KCND3: variants seen among roughly 807,000 people sequenced by gnomAD.
The protein encoded by KCND3 is potassium voltage-gated channel subfamily D member 3, also known as A-type voltage-gated potassium channel KCND3.
Under a neutral mutation model 51.1 loss-of-function variants are expected in KCND3, and 9 were observed. That is an observed-to-expected ratio of 0.18 (90% CI 0.11 to 0.31). The LOEUF is 0.31. KCND3 is among the 10% of genes least tolerant of loss of function. KCND3 has a pLI of 1.00. For missense variants in KCND3, 526 were observed against 903.8 expected (o/e 0.58, Z 5.36); for synonymous variants, 349 against 368.0 (o/e 0.95, Z 0.59).
At chr1:111,797,771 G>C (rs1313559190) in intron 2 of KCND3, among the ~76,000 whole-genome samples, 1 of 151,906 alleles carries the variant, frequency 6.6e-6, no homozygotes, top group Non-Finnish European at 1.5e-5. Flanking sequence ...GAGGCTGGAG[G>C]GGTAGTCACA....
At chr1:111,787,232 A>G (rs1175918573) in intron 2 of KCND3, 126 bp from the exon 3 acceptor site, 4 of 996,652 alleles carry the variant, frequency 4.0e-6, no homozygotes, top group African/African-American at 3.2e-5. Context: ...AGTATCTACT[A>G]TGTGCCAGGT....
chr1:111,956,086 AGGG>A (rs1673324642), intron 2 of KCND3, among the ~76,000 whole-genome samples: 1 of 152,144 alleles, frequency 6.6e-6, no homozygotes, highest in Admixed American at 6.5e-5. Context: ...AAAGTGAGGA[AGGG>A]GCATGCCCAG....
At chr1:111,870,369 C>T (rs1668776266) in intron 2 of KCND3, among the ~76,000 whole-genome samples, 1 of 152,192 alleles carries the variant, frequency 6.6e-6, no homozygotes, top group Admixed American at 6.5e-5. Context: ...GTGGGGACTT[C>T]TCATTCTGAT....
intron 2 of KCND3, among the ~76,000 whole-genome samples, chr1:111,943,319 G>C (rs1395520885): frequency 6.6e-5 from 10 of 152,172 alleles, no homozygotes; most frequent in Admixed American, 6.5e-4. Context: ...TCTCCATGGA[G>C]CGCACCATGC....
chr1:111,980,203 A>AGTGT (rs58988523), intron 2 of KCND3, among the ~76,000 whole-genome samples: 1,937 of 143,022 alleles, frequency 0.014, 27 homozygotes, highest in African/African-American at 0.039. Flanking sequence ...CCATTTGAAG[A>AGTGT]GTGTGTGTGT....
intron 2 of KCND3, among the ~76,000 whole-genome samples, chr1:111,824,571 C>G (rs184223090): frequency 1.3e-4 from 20 of 152,320 alleles, no homozygotes; most frequent in Admixed American, 1.2e-3. Flanking sequence ...ACTGTTCCAT[C>G]AAACTGATGT....
intron 2 of KCND3, among the ~76,000 whole-genome samples, chr1:111,800,937 C>T (rs928191247): frequency 1.1e-4 from 16 of 152,242 alleles, no homozygotes; most frequent in Admixed American, 3.9e-4. Flanking sequence ...TTTATCTCTC[C>T]AGGCCTTGAG....
chr1:111,847,452 G>A lies in KCND3; in HGVS notation c.1107-60346C>T, dbSNP rs1025345938. ...ATAAACTTCCTTCAACCATTTCCAT[G>A]TTATTTTCTGGAATAAACACGTCAG... On this transcript the variant is annotated intron_variant, in intron 2 of 7. Transcript: ENST00000302127. Among the ~76,000 whole-genome samples the A allele has an allele frequency of 5.3e-5, 8 of 152,176 alleles. No individual in the cohort carries two copies. In the South Asian group the frequency reaches 1.4e-3, roughly 28 times the overall value.
At chr1:111,850,362 C>T (rs1218792177) in intron 2 of KCND3, among the ~76,000 whole-genome samples, 1 of 152,156 alleles carries the variant, frequency 6.6e-6, no homozygotes, top group Non-Finnish European at 1.5e-5. Context: ...CTTGGGGACA[C>T]AGCTCCTGAG....
chr1:111,950,631 G>A (rs1193233231), intron 2 of KCND3, among the ~76,000 whole-genome samples: 1 of 152,182 alleles, frequency 6.6e-6, no homozygotes, highest in African/African-American at 2.4e-5. Context: ...GGCAGATGAA[G>A]GAAATCTTAA....
intron 2 of KCND3, among the ~76,000 whole-genome samples, chr1:111,879,129 T>C (rs1408935344): frequency 6.6e-6 from 1 of 152,072 alleles, no homozygotes. Context: ...ACACACCAAC[T>C]CTCCTGGGTC....
At chr1:111,934,918 A>G (rs1321242203) in intron 2 of KCND3, among the ~76,000 whole-genome samples, 1 of 152,256 alleles carries the variant, frequency 6.6e-6, no homozygotes, top group East Asian at 1.9e-4. Context: ...TAGAGCACTT[A>G]CATTAATGCC....
chr1:111,859,254 A>G (rs988976311), intron 2 of KCND3, among the ~76,000 whole-genome samples: 6 of 147,608 alleles, frequency 4.1e-5, no homozygotes, highest in Non-Finnish European at 7.4e-5. Context: ...ACCCTTTTGA[A>G]GTTCTTCTTC....
chr1:111,788,278 C>T (rs1463531664), intron 2 of KCND3, among the ~76,000 whole-genome samples: 1 of 152,268 alleles, frequency 6.6e-6, no homozygotes, highest in Non-Finnish European at 1.5e-5. Flanking sequence ...GAAACACCAT[C>T]TCCCCTGCCT....
chr1:111,938,047 G>A (rs546780820), intron 2 of KCND3, among the ~76,000 whole-genome samples: 6 of 152,290 alleles, frequency 3.9e-5, no homozygotes, highest in African/African-American at 1.4e-4. Flanking sequence ...CGACATTTCA[G>A]CTCACTTCTC....
chr1:111,981,565 G>A lies in KCND3; in HGVS notation c.1106+56C>T, dbSNP rs372381817. The A allele has an allele frequency of 1.2e-6, 2 of 1,612,402 alleles. No homozygotes were observed. The highest frequency in any genetic ancestry group is 2.2e-5 in the East Asian group (1 of 44,862). On this transcript the variant is annotated intron_variant, in intron 2 of 7. Transcript: ENST00000302127. This position sits in a 1 kb window ranked among gnomAD's most constrained non-coding sequence, Gnocchi z 6.2. ...GGTGACACCATCCAAGGTTTCAGAGGTCATCCAGCTGCCCTCCAACCTCCG... is the reference window on the plus strand; with the variant it reads ...GGTGACACCATCCAAGGTTTCAGAGATCATCCAGCTGCCCTCCAACCTCCG...
chr1:111,805,523 G>A (rs1239886568), intron 2 of KCND3, among the ~76,000 whole-genome samples: 1 of 152,256 alleles, frequency 6.6e-6, no homozygotes, highest in Non-Finnish European at 1.5e-5. Context: ...ATGGCCTCCT[G>A]TGTGGACAGT....
intron 2 of KCND3, among the ~76,000 whole-genome samples, chr1:111,866,674 G>C (rs1486495014): frequency 6.6e-6 from 1 of 151,434 alleles, no homozygotes; most frequent in South Asian, 2.1e-4. Flanking sequence ...GGTGTGACCT[G>C]TAGTCCTGGT....
chr1:111,911,196 C>A (rs1255176859), intron 2 of KCND3, among the ~76,000 whole-genome samples: 1 of 152,178 alleles, frequency 6.6e-6, no homozygotes, highest in East Asian at 1.9e-4. Flanking sequence ...TGCATGGCTA[C>A]CACCAGGGAA....
Sources: gnomAD v4.1 joint callset for allele counts (sites outside exome capture counted in the v4.1 genomes callset) on GRCh38, gnomAD v4.1.1 for gene constraint, Gnocchi (gnomAD v3.1) non-coding constraint, MANE v1.5 for transcripts, NCBI Gene and HGNC (gene_info 2026-07-23, HGNC 2026-07-21) for gene names.